The following UBR1 variants were observed in gnomAD, a reference collection of about 807,000 sequenced individuals.
UBR1 encodes ubiquitin protein ligase E3 component n-recognin 1.
UBR1 carries 102 observed loss-of-function variants against 242.1 expected under a neutral mutation model. The ratio of observed to expected loss-of-function variants is 0.42; its 90% CI spans 0.36 to 0.50. UBR1 has a LOEUF of 0.50. Among genes scored for constraint, UBR1 ranks in the 20% least tolerant of loss-of-function variants. The pLI is 0.01. For synonymous variants in UBR1, 675 were observed against 684.8 expected, an observed-to-expected ratio of 0.99 and a Z score of 0.22; for missense variants, 1,772 against 2,101.8, an observed-to-expected ratio of 0.84 and a Z score of 3.07.
chr15:43,084,707 C>G (rs2034013989), intron 2 of UBR1, among the ~76,000 whole-genome samples: 1 of 152,158 alleles, frequency 6.6e-6, no homozygotes, highest in Non-Finnish European at 1.5e-5. Context: ...CCTGCCTCGG[C>G]CTCCCAAAGT....
In UBR1 at chr15:43,093,225, T is replaced by A. The variant is rs200370902; in HGVS notation, c.82-6985A>T. ...CAGCTTAGATGCCTGTTTGGGAACATCATTCTGAAAAAGGAACTTACTTAA... is the reference window on the plus strand; with the variant it reads ...CAGCTTAGATGCCTGTTTGGGAACAACATTCTGAAAAAGGAACTTACTTAA... On this transcript the variant is annotated intron_variant, in intron 1 of 46. Coordinates refer to ENST00000290650, the MANE Select transcript of UBR1 (RefSeq NM_174916.3). 3.3e-5 allele frequency among the ~76,000 whole-genome samples: 5 copies of A among 152,356 alleles called. No homozygotes were observed. In the East Asian group the frequency reaches 9.6e-4, roughly 29 times the overall value.
chr15:43,095,879 G>C (rs561596769), intron 1 of UBR1, among the ~76,000 whole-genome samples: 1 of 152,166 alleles, frequency 6.6e-6, no homozygotes, highest in Admixed American at 6.5e-5. Context: ...GAGACATTTC[G>C]GGTTCAGTTT....
chr15:42,961,436 T>C (rs1051663542), intron 42 of UBR1, among the ~76,000 whole-genome samples: 1 of 150,228 alleles, frequency 6.7e-6, no homozygotes, highest in African/African-American at 2.4e-5. Flanking sequence ...TTTTTTTTTT[T>C]TTTTTTAGAT....
chr15:42,961,611 A>G (rs1380480363), intron 42 of UBR1, among the ~76,000 whole-genome samples: 1 of 149,600 alleles, frequency 6.7e-6, no homozygotes, highest in Non-Finnish European at 1.5e-5. Context: ...CTTTTTTTTT[A>G]GTAGAGATGG....
At chr15:42,970,739 TGAGACAGAG>T in intron 39 of UBR1, 132 bp from the exon 40 acceptor site, 1 of 823,856 alleles carries the variant, frequency 1.2e-6, no homozygotes, top group Non-Finnish European at 1.9e-6. Context: ...TTTTTTTTTT[TGAGACAGAG>T]TTTCGCTCTT....
chr15:42,954,907 G>A (rs1008085169), intron 44 of UBR1, among the ~76,000 whole-genome samples: 8 of 152,004 alleles, frequency 5.3e-5, no homozygotes, highest in Non-Finnish European at 7.4e-5. Flanking sequence ...GGTGGCTCAC[G>A]TCTGTAATCC....
In UBR1 at chr15:42,962,875, G is replaced by A. The variant is rs192847212; in HGVS notation, c.4700+1060C>T. Reference sequence around the variant, plus strand: ...GGCTGAACCCATGCAGAAGTCAGCTGACAAGGTAGACTGGGAAATTCCCAG... The same window carrying A: ...GGCTGAACCCATGCAGAAGTCAGCTAACAAGGTAGACTGGGAAATTCCCAG... On this transcript the variant is annotated intron_variant, in intron 42 of 46. Coordinates refer to ENST00000290650, the MANE Select transcript of UBR1 (RefSeq NM_174916.3). 7.4e-4 allele frequency among the ~76,000 whole-genome samples: 112 copies of A among 152,270 alleles called. 2 individuals are homozygous for A. The highest frequency in any genetic ancestry group is 4.5e-3 in the Admixed American group (69 of 15,290).
chr15:43,085,317 T>C (rs909111477), intron 2 of UBR1, among the ~76,000 whole-genome samples: 3 of 152,222 alleles, frequency 2.0e-5, no homozygotes, highest in African/African-American at 7.2e-5. Flanking sequence ...TGGGGAAGTA[T>C]TCAGAATTCT....
chr15:43,037,813 GCAA>G lies in UBR1; in HGVS notation c.1979_1981del (p.Val660del). 6.2e-7 allele frequency: 1 copy of G among 1,614,092 alleles called. No homozygotes were observed. The highest frequency in any genetic ancestry group is 8.5e-7 in the Non-Finnish European group (1 of 1,180,014). On this transcript the variant is annotated inframe_deletion, in exon 17 of 47. Transcript: ENST00000290650. The stretch of plus-strand genomic sequence containing the variant: ...CAGTCCATTTCTTCGCCACATCTCA[GCAA>G]CAACCTGGGCAACCAACACCAGACA...
intron 36 of UBR1, 37 bp downstream of exon 36, chr15:42,984,850 G>A (rs764757735): frequency 6.4e-7 from 1 of 1,558,000 alleles, no homozygotes; most frequent in Non-Finnish European, 8.8e-7. Flanking sequence ...AAAAAGGCAT[G>A]CCATGAGTTA....
intron 5 of UBR1, among the ~76,000 whole-genome samples, chr15:43,069,117 T>C (rs1047776754): frequency 1.1e-4 from 17 of 152,188 alleles, no homozygotes; most frequent in African/African-American, 4.1e-4. Context: ...AGCACTGCCA[T>C]TTTGGCAACA....
chr15:43,019,030 A>T (rs1258446349), intron 27 of UBR1, among the ~76,000 whole-genome samples: 1 of 152,222 alleles, frequency 6.6e-6, no homozygotes. Flanking sequence ...ACATATTCAT[A>T]AAATCTACTT....
At chr15:43,021,761 A>G (rs1265685631) in intron 26 of UBR1, among the ~76,000 whole-genome samples, 1 of 152,206 alleles carries the variant, frequency 6.6e-6, no homozygotes, top group Non-Finnish European at 1.5e-5. Flanking sequence ...TGGAGGGTCA[A>G]TTATGTCTTC....
chr15:43,061,003 CAAG>C, intron 6 of UBR1, among the ~76,000 whole-genome samples: 1 of 150,340 alleles, frequency 6.7e-6, no homozygotes, highest in Non-Finnish European at 1.5e-5. Context: ...ACAGATTGGA[CAAG>C]AATAGTTACA....
intron 1 of UBR1, among the ~76,000 whole-genome samples, chr15:43,097,706 A>G (rs1246536494): frequency 1.3e-5 from 2 of 152,186 alleles, no homozygotes; most frequent in South Asian, 2.1e-4. Flanking sequence ...CCAGCTTCCA[A>G]CTTTTCTTCT....
Position 43,043,252 on chromosome 15 carries a change from A to G in UBR1, c.1812T>C (p.Leu604=). 1 of 1,614,196 alleles carries G rather than the reference A, an allele frequency of 6.2e-7. No homozygotes were observed. The highest frequency in any genetic ancestry group is 1.1e-5 in the South Asian group (1 of 91,078). ...ETKSYRVSED[L]VSIHLPLSRT... ...TAGAGAGTGGCAGATGTATGCTTAC[A>G]AGATCCTCAGATACTCTGTAGGACT... Residue 604 remains leucine, a synonymous_variant, in exon 15 of 47, where the codon CTT becomes CTC. Transcript: ENST00000290650.
intron 6 of UBR1, among the ~76,000 whole-genome samples, chr15:43,066,937 T>C (rs2033759697): frequency 1.3e-5 from 2 of 152,178 alleles, no homozygotes; most frequent in African/African-American, 4.8e-5. Context: ...AGAATCTGCA[T>C]TTTTAATAAG....
At chr15:43,096,544 T>C (rs186931977) in intron 1 of UBR1, among the ~76,000 whole-genome samples, 9 of 152,350 alleles carry the variant, frequency 5.9e-5, no homozygotes, top group Non-Finnish European at 8.8e-5. Flanking sequence ...TAGCATGTGA[T>C]AGCATGTTAC....
chr15:43,068,619 GGTTTT>G (rs890838896), intron 5 of UBR1, among the ~76,000 whole-genome samples: 11 of 149,972 alleles, frequency 7.3e-5, no homozygotes, highest in African/African-American at 1.7e-4. Flanking sequence ...TATGTTTTTG[GGTTTT>G]GTTTTGTTTT....
Sources: gnomAD v4.1 joint callset for allele counts (sites outside exome capture counted in the v4.1 genomes callset) on GRCh38, gnomAD v4.1.1 for gene constraint, MANE v1.5 for transcripts, NCBI Gene and HGNC (gene_info 2026-07-23, HGNC 2026-07-21) for gene names.